Variants in NAT8L observed in about 807,000 individuals in gnomAD.
NAT8L encodes N-acetylaspartate synthetase.
Under a neutral mutation model 21.2 loss-of-function variants are expected in NAT8L, and 6 were observed. That is an observed-to-expected ratio of 0.28 (90% confidence interval 0.16 to 0.56). The LOEUF (loss-of-function observed/expected upper bound fraction) is 0.56, where lower values mean the gene tolerates loss of function less well. Among genes scored for constraint, NAT8L ranks in the 20% least tolerant of loss-of-function variants. NAT8L has a pLI of 0.93. For missense variants in NAT8L, 331 were observed against 433.3 expected, an observed-to-expected ratio of 0.76 and a Z score of 2.10; for synonymous variants, 239 against 204.9, an observed-to-expected ratio of 1.17 and a Z score of -1.42.
chr4:2,061,386 C>G (rs1380094194), intron 2 of NAT8L, among the ~76,000 whole-genome samples: 1 of 152,230 alleles, frequency 6.6e-6, no homozygotes, highest in Non-Finnish European at 1.5e-5. Flanking sequence ...GGCCCTGCGA[C>G]GCAGTGGCTC....
In NAT8L at chr4:2,064,023, G is replaced by A. The variant is rs748667405; in HGVS notation, c.805G>A (p.Ala269Thr). 9 of 1,611,526 alleles carry A rather than the reference G, an allele frequency of 5.6e-6. No homozygotes were observed. In the East Asian group the frequency reaches 8.9e-5, roughly 16 times the overall value. ...GTCGCTGGGCTTCAGACACATGGGC[G>A]CCAGTGACCACTACGTGCTGCCGGG... Reference protein sequence around the residue: ...YESLGFRHMGASDHYVLPGMT... With the variant: ...YESLGFRHMGTSDHYVLPGMT... The change falls in exon 3 of 3, where the codon GCC becomes ACC. Residue 269 changes from alanine to threonine, a missense_variant. This residue lies in a region of NAT8L where 132 missense variants were observed against 237.1 expected (regional missense o/e 0.56). Coordinates refer to ENST00000423729, the MANE Select transcript of NAT8L (RefSeq NM_178557.4).
intron 2 of NAT8L, among the ~76,000 whole-genome samples, chr4:2,061,401 G>A (rs1729887314): frequency 1.3e-5 from 2 of 152,252 alleles, no homozygotes; most frequent in African/African-American, 2.4e-5. Context: ...TGGCTCCACC[G>A]TTCCCTGCTG....
chr4:2,060,968 G>A lies in NAT8L; in HGVS notation c.377-30G>A, dbSNP rs1304894052. On this transcript the variant is annotated intron_variant, in intron 1 of 2. Coordinates refer to ENST00000423729, the MANE Select transcript of NAT8L (RefSeq NM_178557.4). This position sits in a 1 kb window ranked among gnomAD's most constrained non-coding sequence, Gnocchi z 4.7. ...TCTCTGGGGCCTGGGGACCCCCGCC[G>A]CGCCGCTGACCCGCGCCCTCTGCCC... 2.9e-6 allele frequency: 4 copies of A among 1,358,592 alleles called. No homozygotes were observed. Among genetic ancestry groups the A allele is most frequent in the Admixed American group, 2.2e-5 (1 of 44,822 alleles). 84.2% of individuals were successfully genotyped at this position (1,358,592 alleles called of 1,614,324 possible).
rs1269506749 is a variant in NAT8L, at chr4:2,069,008, C to CG, written c.*4886dup. ...GAGCGAGTTCTGAGGAGAGGGGCTG[C>CG]GGGGGCCGGGGGTGGGTGTGTGCCC... is the stretch of plus-strand genomic sequence containing the variant. On this transcript the variant is annotated 3_prime_UTR_variant, in exon 3 of 3. Transcript: ENST00000423729. 6.6e-6 allele frequency: 1 copy of CG among 151,710 alleles called. No individual in the cohort carries two copies. Among genetic ancestry groups the CG allele is most frequent in the African/African-American group, 2.4e-5 (1 of 41,286 alleles). 9.4% of individuals were successfully genotyped at this position (151,710 alleles called of 1,614,324 possible).
At position 2,061,138 on chromosome 4, in the gene NAT8L, G is replaced by C; in HGVS notation, c.517G>C (p.Glu173Gln). Residue 173 changes from glutamate (E) to glutamine (Q), a missense_variant, in exon 2 of 3, where the codon GAG (glutamate) becomes CAG (glutamine). Around this residue, in one of 2 missense-constraint regions of NAT8L, gnomAD observed 132 missense variants for 237.1 expected, o/e 0.56. Coordinates refer to ENST00000423729, the MANE Select transcript of NAT8L (RefSeq NM_178557.4). ...GCTGCACACGGACATGGCGGACATC[G>C]AGCAGTACTACATGAAGCCGCCCGG... ...CALHTDMADIEQYYMKPPGSC... is the reference protein window; with the variant it reads ...CALHTDMADIQQYYMKPPGSC... 1 of 1,611,342 alleles carries C rather than the reference G, an allele frequency of 6.2e-7. No individual in the cohort carries two copies. Among genetic ancestry groups the C allele is most frequent in the Non-Finnish European group, 8.5e-7 (1 of 1,179,124 alleles).
rs1447281906 is a variant in NAT8L, at chr4:2,064,140, G to C, written c.*13G>C. 2 of 1,520,624 alleles carry C rather than the reference G, an allele frequency of 1.3e-6. No individual in the cohort carries two copies. The highest frequency in any genetic ancestry group is 3.9e-5 in the Admixed American group (2 of 51,062). The allele number at this position is 1,520,624 out of a possible 1,614,324, so 94.2% of individuals were successfully genotyped here. A position where few individuals can be genotyped will look rare whatever the true frequency, so the allele number is the denominator to read the frequency against. On this transcript the variant is annotated 3_prime_UTR_variant, in exon 3 of 3. Coordinates refer to ENST00000423729, the MANE Select transcript of NAT8L (RefSeq NM_178557.4). ...GCGCGAGGAGTGACCGCCGCCGCTC[G>C]CCCGCCCGCCCCCCCGGCCGCCCTG...
In NAT8L at chr4:2,061,011, C is replaced by G. The variant is rs773143253; in HGVS notation, c.390C>G (p.Ala130=). 5.8e-6 allele frequency: 9 copies of G among 1,548,102 alleles called. No homozygotes were observed. The Middle Eastern group carries it at 7.1e-4, about 121-fold the overall frequency. Residue 130 remains alanine, a synonymous_variant, in exon 2 of 3, where the codon GCC becomes GCG. Coordinates refer to ENST00000423729, the MANE Select transcript of NAT8L (RefSeq NM_178557.4). The part of the protein sequence containing the change: ...LYALLAALCF[A]VSRSLLLTCL... ...CTCTGCCCCCAGCGCTGTGCTTCGC[C>G]GTGAGCCGCTCGCTGCTGCTGACGT...
chr4:2,059,865 G>A lies in NAT8L; in HGVS notation c.354G>A (p.Gln118=). The A allele has an allele frequency of 7.3e-7, 1 of 1,365,238 alleles. No individual in the cohort carries two copies. The highest frequency in any genetic ancestry group is 9.5e-7 in the Non-Finnish European group (1 of 1,047,582). 84.6% of individuals were successfully genotyped at this position (1,365,238 alleles called of 1,614,324 possible). Residue 118 remains glutamine, a synonymous_variant, in exon 1 of 3, where the codon CAG becomes CAA. Transcript: ENST00000423729. This position sits in a 1 kb window ranked among gnomAD's most constrained non-coding sequence, Gnocchi z 4.8. ...FRGLRQHPRA[Q]LLYALLAALC... is the part of the protein sequence containing the mutation. ...GCCTGCGGCAGCACCCGCGCGCGCA[G>A]CTGCTCTACGCCCTGCTGGCGGGTC...
At chr4:2,061,818 A>G (rs1440967381) in intron 2 of NAT8L, among the ~76,000 whole-genome samples, 1 of 151,756 alleles carries the variant, frequency 6.6e-6, no homozygotes, top group African/African-American at 2.4e-5. Context: ...CTGGGGTGGG[A>G]GGCTCTCTGC....
chr4:2,059,552 T>C lies in NAT8L; in HGVS notation c.41T>C (p.Ile14Thr). 2 of 998,994 alleles carry C rather than the reference T, an allele frequency of 2.0e-6. No individual in the cohort carries two copies. Among genetic ancestry groups the C allele is most frequent in the Non-Finnish European group, 2.4e-6 (2 of 838,738 alleles). The allele number at this position is 998,994 out of a possible 1,614,324, so 61.9% of individuals were successfully genotyped here. A position where few individuals can be genotyped will look rare whatever the true frequency, so the allele number is the denominator to read the frequency against. ...CCCGACATGGTCTGCGAGACGAAGA[T>C]CGTGGCCGCCGAGGACCATGAGGCG... The part of the protein sequence containing the change: ...GPPDMVCETK[I>T]VAAEDHEALP... Residue 14 changes from isoleucine to threonine, a missense_variant, in exon 1 of 3, where the codon ATC (isoleucine) becomes ACC (threonine). Ile to Thr is a moderately conservative substitution (Grantham distance 89). Transcript: ENST00000423729. The surrounding 1 kb of genome is among the most constrained non-coding windows in gnomAD (Gnocchi z 4.8).
intron 2 of NAT8L, 138 bp downstream of exon 2, chr4:2,061,300 C>G (rs1053067496): frequency 1.4e-6 from 2 of 1,467,166 alleles, no homozygotes; most frequent in Non-Finnish European, 1.8e-6. Context: ...CCTGAGCCTT[C>G]TGGGTGACCG....
At chr4:2,061,195 G>C in intron 2 of NAT8L, 33 bp downstream of exon 2, 1 of 1,608,924 alleles carries the variant, frequency 6.2e-7, no homozygotes, top group South Asian at 1.1e-5. Flanking sequence ...CCCGACCTCC[G>C]CCCCAGACAG....
At chr4:2,063,288 ACAGCAGT>A (rs1284749151) in intron 2 of NAT8L, among the ~76,000 whole-genome samples, 1 of 152,250 alleles carries the variant, frequency 6.6e-6, no homozygotes, top group Non-Finnish European at 1.5e-5. Context: ...GCCAGAAGCC[ACAGCAGT>A]TTGGCTGCAC....
In NAT8L at chr4:2,060,041, A is replaced by G. The variant is rs1417712752; in HGVS notation, c.376+154A>G. Among the ~76,000 whole-genome samples, 1 of 151,176 alleles carries G rather than the reference A, an allele frequency of 6.6e-6. No homozygotes were observed. The highest frequency in any genetic ancestry group is 2.4e-5 in the African/African-American group (1 of 41,242). On this transcript the variant is annotated intron_variant, in intron 1 of 2. Transcript: ENST00000423729. This position sits in a 1 kb window ranked among gnomAD's most constrained non-coding sequence, Gnocchi z 4.7. ...CGCCGGGCCCCGCGCAGGGCTGGCT[A>G]TGGGCGTGGGGATGGGCGCAGGGCC...
At position 2,059,752 on chromosome 4, in the gene NAT8L, C is replaced by G; in HGVS notation, c.241C>G (p.Arg81Gly). Residue 81 changes from arginine (R) to glycine (G), a missense_variant, in exon 1 of 3, where the codon CGC becomes GGC. By Grantham distance (125) the Arg-to-Gly change is moderately radical. This residue lies in a region of NAT8L where 199 missense variants were observed against 196.1 expected (regional missense o/e 1.01). Transcript: ENST00000423729. The surrounding 1 kb of genome is among the most constrained non-coding windows in gnomAD (Gnocchi z 4.8). Reference protein sequence around the residue: ...GPPGGRGVCIREFRAAEQEAA... With the variant: ...GPPGGRGVCIGEFRAAEQEAA... The stretch of plus-strand genomic sequence containing the variant: ...GCCGGGGGGGCGCGGCGTGTGCATC[C>G]GCGAGTTCCGTGCGGCCGAGCAGGA... 1 of 1,303,254 alleles carries G rather than the reference C, an allele frequency of 7.7e-7. No individual in the cohort carries two copies. The allele number at this position is 1,303,254 out of a possible 1,614,324, so 80.7% of individuals were successfully genotyped here. A position where few individuals can be genotyped will look rare whatever the true frequency, so the allele number is the denominator to read the frequency against.
chr4:2,063,069 T>C (rs1729924262), intron 2 of NAT8L, among the ~76,000 whole-genome samples: 1 of 152,258 alleles, frequency 6.6e-6, no homozygotes, highest in African/African-American at 2.4e-5. Context: ...TGGGCCGTGC[T>C]GTGGATGGGG....
chr4:2,061,263 G>A, intron 2 of NAT8L, 101 bp downstream of exon 2: 1 of 1,547,284 alleles, frequency 6.5e-7, no homozygotes, highest in Non-Finnish European at 8.7e-7. Context: ...GGCCGGCGTG[G>A]GTGGGCCTGA....
rs1729996462 is a variant in NAT8L, at chr4:2,066,237, G to T, written c.*2110G>T. 2 of 152,280 alleles carry T rather than the reference G, an allele frequency of 1.3e-5. No homozygotes were observed. The highest frequency in any genetic ancestry group is 2.4e-5 in the African/African-American group (1 of 41,448). The allele number at this position is 152,280 out of a possible 1,614,324, so 9.4% of individuals were successfully genotyped here. A position where few individuals can be genotyped will look rare whatever the true frequency, so the allele number is the denominator to read the frequency against. ...GGGGGTTCTGAGAGTCCTGGGCAGT[G>T]TGGCCTTCTCTCATTCTGGTGGCAT... On this transcript the variant is annotated 3_prime_UTR_variant, in exon 3 of 3. Coordinates refer to ENST00000423729, the MANE Select transcript of NAT8L (RefSeq NM_178557.4).
rs1206322424 is a variant in NAT8L, at chr4:2,068,584, G to A, written c.*4457G>A. 1 of 152,260 alleles carries A rather than the reference G, an allele frequency of 6.6e-6. No individual in the cohort carries two copies. The highest frequency in any genetic ancestry group is 6.5e-5 in the Admixed American group (1 of 15,284). 9.4% of individuals were successfully genotyped at this position (152,260 alleles called of 1,614,324 possible). A position where few individuals can be genotyped will look rare whatever the true frequency, so the allele number is the denominator to read the frequency against. ...TATGGGTGAGCATGCACATGTGTAT[G>A]GATGCATATGTGAGCTGTACATGTA... is the stretch of plus-strand genomic sequence containing the variant. On this transcript the variant is annotated 3_prime_UTR_variant, in exon 3 of 3. Coordinates refer to ENST00000423729, the MANE Select transcript of NAT8L (RefSeq NM_178557.4).
Sources: gnomAD v4.1 joint callset for allele counts (sites outside exome capture counted in the v4.1 genomes callset) on GRCh38, gnomAD v4.1.1 for gene constraint, gnomAD v4.1.1 regional missense constraint, Gnocchi (gnomAD v3.1) non-coding constraint, MANE v1.5 for transcripts, NCBI Gene and HGNC (gene_info 2026-07-23, HGNC 2026-07-21) for gene names.